TMEM132D: variants seen among roughly 807,000 people sequenced by gnomAD.
The protein encoded by TMEM132D is transmembrane protein 132D.
Under a neutral mutation model 62.3 loss-of-function variants are expected in TMEM132D, and 21 were observed. The observed-to-expected ratio is 0.34, with a 90% confidence interval of 0.24 to 0.49. The LOEUF (loss-of-function observed/expected upper bound fraction) is 0.49, where lower values mean the gene tolerates loss of function less well. Ranked by LOEUF, TMEM132D falls within the 20% of genes least tolerant of loss-of-function variation. The pLI is 0.99. For missense variants in TMEM132D, 1,346 were observed against 1,402.8 expected (o/e 0.96, Z 0.65); for synonymous variants, 621 against 575.6 (o/e 1.08, Z -1.13).
intron 4 of TMEM132D, among the ~76,000 whole-genome samples, chr12:129,323,868 T>C (rs574583708): frequency 4.1e-4 from 63 of 152,200 alleles, no homozygotes; most frequent in East Asian, 3.9e-4. Context: ...TGCCTCTCTA[T>C]TATTTTGATT....
At chr12:129,428,802 T>C (rs1156696360) in intron 3 of TMEM132D, among the ~76,000 whole-genome samples, 1 of 152,228 alleles carries the variant, frequency 6.6e-6, no homozygotes, top group Non-Finnish European at 1.5e-5. Flanking sequence ...CATGAATTAA[T>C]ATCACGACTG....
chr12:129,078,067 C>G (rs376461734), intron 8 of TMEM132D, among the ~76,000 whole-genome samples: 1 of 152,190 alleles, frequency 6.6e-6, no homozygotes, highest in Admixed American at 6.5e-5. Flanking sequence ...GGTCTGGAAG[C>G]GATCTCCCGC....
chr12:129,505,013 G>A (rs909979388), intron 3 of TMEM132D, among the ~76,000 whole-genome samples: 1 of 152,100 alleles, frequency 6.6e-6, no homozygotes, highest in Non-Finnish European at 1.5e-5. Flanking sequence ...CCACATATTT[G>A]CATGGTTTCG....
At position 129,502,455 on chromosome 12, in the gene TMEM132D, C is replaced by T. The variant is rs552435658; in HGVS notation, c.1115+28604G>A. On this transcript the variant is annotated intron_variant, in intron 3 of 8. Coordinates refer to ENST00000422113, the MANE Select transcript of TMEM132D (RefSeq NM_133448.3). The stretch of plus-strand genomic sequence containing the variant: ...AGGACTGCACATGGCAGAAGCCCAG[C>T]GTCAACCAGTTTAAGCAAATACGTA... 6.2e-4 allele frequency among the ~76,000 whole-genome samples: 95 copies of T among 152,210 alleles called. 2 individuals carry two copies. The highest frequency in any genetic ancestry group is 2.1e-3 in the African/African-American group (86 of 41,528).
chr12:129,890,226 G>A (rs1297446354), intron 1 of TMEM132D, among the ~76,000 whole-genome samples: 1 of 152,162 alleles, frequency 6.6e-6, no homozygotes, highest in African/African-American at 2.4e-5. Flanking sequence ...TGTTGAGCAG[G>A]TGCATCCATC....
At chr12:129,627,434 C>T (rs182794136) in intron 2 of TMEM132D, among the ~76,000 whole-genome samples, 75 of 152,238 alleles carry the variant, frequency 4.9e-4, no homozygotes, top group African/African-American at 1.7e-3. Context: ...AACAGCTAGG[C>T]TTGTGTAAGT....
intron 5 of TMEM132D, among the ~76,000 whole-genome samples, chr12:129,173,706 G>T (rs183053900): frequency 1.3e-5 from 2 of 152,226 alleles, no homozygotes; most frequent in Admixed American, 6.5e-5. Context: ...CTAAGTCATA[G>T]GCTGTCACTT....
intron 5 of TMEM132D, among the ~76,000 whole-genome samples, chr12:129,144,053 C>T (rs577084818): frequency 6.6e-6 from 1 of 152,156 alleles, no homozygotes; most frequent in East Asian, 1.9e-4. Context: ...GCTCAAATAG[C>T]GTATCAGTGA....
chr12:129,710,284 TTTTA>T (rs147677573), intron 1 of TMEM132D, among the ~76,000 whole-genome samples: 8,674 of 151,666 alleles, frequency 0.057, 546 homozygotes, highest in East Asian at 0.21. Context: ...CATTATTAAT[TTTTA>T]TTTATTTATT....
At chr12:129,830,667 C>T (rs1872801985) in intron 1 of TMEM132D, among the ~76,000 whole-genome samples, 1 of 152,154 alleles carries the variant, frequency 6.6e-6, no homozygotes, top group African/African-American at 2.4e-5. Flanking sequence ...GTTGTCAGGA[C>T]TCCCTGGGGC....
intron 5 of TMEM132D, among the ~76,000 whole-genome samples, chr12:129,157,195 A>G (rs1186013020): frequency 2.0e-5 from 3 of 152,030 alleles, no homozygotes; most frequent in Non-Finnish European, 4.4e-5. Flanking sequence ...TAACTAACCC[A>G]CTCCTGAGAT....
intron 3 of TMEM132D, among the ~76,000 whole-genome samples, chr12:129,513,966 T>G (rs7134794): frequency 0.077 from 11,583 of 150,832 alleles, 717 homozygotes; most frequent in African/African-American, 0.17. Flanking sequence ...GCCTCCCGAG[T>G]AGCTGGGACT....
At chr12:129,486,176 T>C (rs1443778915) in intron 3 of TMEM132D, among the ~76,000 whole-genome samples, 1 of 152,258 alleles carries the variant, frequency 6.6e-6, no homozygotes, top group African/African-American at 2.4e-5. Flanking sequence ...GAGACAGCCC[T>C]GAGCTGCTCC....
intron 5 of TMEM132D, among the ~76,000 whole-genome samples, chr12:129,116,252 C>T (rs1201369297): frequency 6.6e-6 from 1 of 152,124 alleles, no homozygotes; most frequent in East Asian, 1.9e-4. Flanking sequence ...ATGGTGAGAC[C>T]TTATGGCATG....
intron 2 of TMEM132D, among the ~76,000 whole-genome samples, chr12:129,630,282 T>C (rs916310104): frequency 2.3e-4 from 35 of 152,140 alleles, no homozygotes; most frequent in African/African-American, 7.5e-4. Flanking sequence ...CTAAATGTTT[T>C]AAATTTGGAC....
At chr12:129,179,249 T>TC (rs1877995710) in intron 5 of TMEM132D, among the ~76,000 whole-genome samples, 1 of 152,150 alleles carries the variant, frequency 6.6e-6, no homozygotes, top group Non-Finnish European at 1.5e-5. Context: ...ATTGTATTGC[T>TC]CCAACAATGA....
chr12:129,414,665 T>C (rs1872063708), intron 3 of TMEM132D, among the ~76,000 whole-genome samples: 1 of 152,236 alleles, frequency 6.6e-6, no homozygotes, highest in South Asian at 2.1e-4. Context: ...GTAAGAACAC[T>C]TGAGATGTCC....
chr12:129,453,964 G>A (rs376002216), intron 3 of TMEM132D, among the ~76,000 whole-genome samples: 9 of 152,330 alleles, frequency 5.9e-5, no homozygotes, highest in African/African-American at 2.2e-4. Flanking sequence ...AGTAAGAGAA[G>A]GATGGTTTTC....
intron 2 of TMEM132D, among the ~76,000 whole-genome samples, chr12:129,598,248 C>T (rs1343411914): frequency 2.6e-5 from 4 of 152,128 alleles, no homozygotes; most frequent in African/African-American, 9.7e-5. Context: ...TTTTTATGAG[C>T]TATTGAGAAG....
Sources: allele counts gnomAD v4.1 joint callset (sites outside exome capture counted in the v4.1 genomes callset), GRCh38; gene constraint gnomAD v4.1.1; transcripts MANE v1.5; gene names NCBI Gene and HGNC (gene_info 2026-07-23, HGNC 2026-07-21).